The following CSMD2 variants were observed in gnomAD, a reference collection of about 807,000 sequenced individuals.
CSMD2 encodes CUB and sushi domain-containing protein 2.
In CSMD2, 130 loss-of-function variants were observed where a neutral mutation model predicts 398.5. The observed-to-expected ratio is 0.33, with a 90% confidence interval of 0.28 to 0.38. The LOEUF is 0.38. Among genes scored for constraint, CSMD2 ranks in the 10% least tolerant of loss-of-function variants. The probability of loss-of-function intolerance (pLI) is 1.00; values close to 1 mark genes in which losing one functional copy is unlikely to be tolerated. For missense variants in CSMD2, 3,829 were observed against 4,764.9 expected (o/e 0.80, Z 5.78); for synonymous variants, 1,828 against 1,908.5 (o/e 0.96, Z 1.10).
At chr1:33,725,589 G>A (rs1646503119) in intron 16 of CSMD2, 53 bp from the exon 17 acceptor site, 1 of 1,569,372 alleles carries the variant, frequency 6.4e-7, no homozygotes, top group Middle Eastern at 1.7e-4. Context: ...TTATTAATTT[G>A]CAAATGACAT....
chr1:33,596,906 C>T lies in CSMD2; in HGVS notation c.6856+3959G>A, dbSNP rs569828201. The stretch of plus-strand genomic sequence containing the variant: ...TGGGGAAGGGAAGAGATTTAGCTTT[C>T]GTTTTATTTATCTCTTGGCCAGATC... On this transcript the variant is annotated intron_variant, in intron 44 of 70. Transcript: ENST00000373381. Among the ~76,000 whole-genome samples the T allele has an allele frequency of 2.7e-3, 410 of 152,284 alleles. 5 individuals are homozygous for T. Among genetic ancestry groups the T allele is most frequent in the Non-Finnish European group, 1.9e-3 (131 of 68,020 alleles).
chr1:33,998,511 CT>C (rs1256594061), intron 3 of CSMD2, among the ~76,000 whole-genome samples: 1 of 152,216 alleles, frequency 6.6e-6, no homozygotes, highest in African/African-American at 2.4e-5. Flanking sequence ...AGGTGTCCTT[CT>C]GTCTGCCCAG....
intron 26 of CSMD2, among the ~76,000 whole-genome samples, chr1:33,661,933 C>G (rs1171850875): frequency 6.6e-6 from 1 of 152,144 alleles, no homozygotes; most frequent in Non-Finnish European, 1.5e-5. Flanking sequence ...AACTCCCCCC[C>G]TCCCTCCCAC....
At chr1:34,149,265 C>T (rs1310089427) in intron 1 of CSMD2, among the ~76,000 whole-genome samples, 2 of 152,096 alleles carry the variant, frequency 1.3e-5, no homozygotes, top group Non-Finnish European at 2.9e-5. Flanking sequence ...CTGCCTGCTC[C>T]CCGCCCTGGG....
rs778172231 is a variant in CSMD2 at position 33,739,196 on chromosome 1, G to T, written c.2312C>A (p.Thr771Asn). 6.2e-7 allele frequency: 1 copy of T among 1,614,214 alleles called. No individual in the cohort carries two copies. Among genetic ancestry groups the T allele is most frequent in the Admixed American group, 1.7e-5 (1 of 60,030 alleles). ...FLGTQGSETI[T>N]CVLKEGSVVW... is the part of the protein sequence containing the mutation. ...CACGCTGCCCTCCTTCAGGACGCAGGTGATGGTCTCTGAGCCCTGAGTCCC... is the reference window on the plus strand; with the variant it reads ...CACGCTGCCCTCCTTCAGGACGCAGTTGATGGTCTCTGAGCCCTGAGTCCC... Residue 771 changes from threonine (T) to asparagine (N), a missense_variant, in exon 15 of 71, where the codon ACC (threonine) becomes AAC (asparagine). Physicochemically the swap from Thr to Asn is moderately conservative, Grantham distance 65 (BLOSUM62 0). Around this residue, in one of 5 missense-constraint regions of CSMD2, gnomAD observed 2,001 missense variants for 2,567.1 expected, o/e 0.78. Coordinates refer to ENST00000373381, the MANE Select transcript of CSMD2 (RefSeq NM_001281956.2).
intron 1 of CSMD2, among the ~76,000 whole-genome samples, chr1:34,149,333 C>T (rs1009751823): frequency 6.6e-6 from 1 of 152,168 alleles, no homozygotes; most frequent in Non-Finnish European, 1.5e-5. Context: ...CCTCCTCAGC[C>T]CCACCCTCTG....
chr1:33,579,883 T>A (rs947429416), intron 48 of CSMD2, among the ~76,000 whole-genome samples: 4 of 152,156 alleles, frequency 2.6e-5, no homozygotes, highest in Admixed American at 6.5e-5. Context: ...TTCACTATGT[T>A]GGTCAGGCTG....
chr1:33,837,665 A>C (rs1660443015), intron 6 of CSMD2, among the ~76,000 whole-genome samples: 1 of 152,264 alleles, frequency 6.6e-6, no homozygotes, highest in Admixed American at 6.5e-5. Context: ...ATGTAAACAC[A>C]TGGATACAAA....
At chr1:33,921,691 T>C (rs920980226) in intron 4 of CSMD2, among the ~76,000 whole-genome samples, 2 of 152,226 alleles carry the variant, frequency 1.3e-5, no homozygotes, top group African/African-American at 4.8e-5. Context: ...TGGAAGGGCA[T>C]GCTGCTTGGG....
chr1:33,930,012 G>T (rs1644260666), intron 4 of CSMD2, among the ~76,000 whole-genome samples: 1 of 152,120 alleles, frequency 6.6e-6, no homozygotes, highest in Non-Finnish European at 1.5e-5. Flanking sequence ...TGTTTATTTG[G>T]CGTGTGTATC....
chr1:33,649,987 C>T (rs1643666716), intron 28 of CSMD2, among the ~76,000 whole-genome samples: 2 of 152,310 alleles, frequency 1.3e-5, no homozygotes, highest in South Asian at 2.1e-4. Flanking sequence ...GGGGTCAACA[C>T]ACCATGGCTG....
At chr1:33,828,695 T>A (rs1380790442) in intron 6 of CSMD2, among the ~76,000 whole-genome samples, 1 of 152,090 alleles carries the variant, frequency 6.6e-6, no homozygotes, top group African/African-American at 2.4e-5. Context: ...CTTCTCACGG[T>A]TGCATTGAGG....
At chr1:33,681,016 C>T (rs1309004697) in intron 25 of CSMD2, among the ~76,000 whole-genome samples, 2 of 149,138 alleles carry the variant, frequency 1.3e-5, no homozygotes, top group African/African-American at 4.9e-5. Flanking sequence ...GCTCCGCCTC[C>T]TGTGTTCAAG....
At chr1:33,941,377 G>A (rs1433553379) in intron 3 of CSMD2, among the ~76,000 whole-genome samples, 1 of 152,146 alleles carries the variant, frequency 6.6e-6, no homozygotes, top group African/African-American at 2.4e-5. Context: ...CCCTCCATAT[G>A]TTTTGATTTC....
intron 53 of CSMD2, 111 bp downstream of exon 53, chr1:33,567,478 CATAT>C (rs774765893): frequency 2.4e-4 from 113 of 468,182 alleles, no homozygotes; most frequent in Middle Eastern, 6.3e-4. Context: ...AAATAGCAAT[CATAT>C]ATATATATAT....
chr1:33,912,536 G>A (rs766699557), intron 5 of CSMD2, among the ~76,000 whole-genome samples: 5 of 152,110 alleles, frequency 3.3e-5, no homozygotes, highest in Non-Finnish European at 7.4e-5. Context: ...GCCCCTTGGG[G>A]AGGGGTAGAG....
At chr1:33,740,806 C>T (rs1020383956) in intron 14 of CSMD2, among the ~76,000 whole-genome samples, 6 of 152,210 alleles carry the variant, frequency 3.9e-5, no homozygotes, top group African/African-American at 1.4e-4. Context: ...CATACACCCA[C>T]ATATGAACAC....
intron 3 of CSMD2, among the ~76,000 whole-genome samples, chr1:33,966,761 C>G (rs1351186735): frequency 6.6e-6 from 1 of 152,154 alleles, no homozygotes; most frequent in Non-Finnish European, 1.5e-5. Context: ...TCAGCAAGTG[C>G]TTCAGCCAGG....
chr1:34,120,161 T>C (rs984851738), intron 1 of CSMD2, among the ~76,000 whole-genome samples: 18 of 152,160 alleles, frequency 1.2e-4, no homozygotes, highest in Non-Finnish European at 2.4e-4. Context: ...TGAAGTGCAA[T>C]AAACCAACAA....
Sources: allele counts gnomAD v4.1 joint callset (sites outside exome capture counted in the v4.1 genomes callset), GRCh38; gene constraint gnomAD v4.1.1; regional missense constraint gnomAD v4.1.1; transcripts MANE v1.5; gene names NCBI Gene and HGNC (gene_info 2026-07-23, HGNC 2026-07-21).